HDAC9: variants seen among roughly 807,000 people sequenced by gnomAD.
HDAC9 encodes the protein histone deacetylase 9.
A neutral mutation model predicts 139.4 loss-of-function variants in HDAC9; 41 were observed. The ratio of observed to expected loss-of-function variants is 0.29; its 90% CI spans 0.23 to 0.38. HDAC9 has a LOEUF of 0.38. Among genes scored for constraint, HDAC9 ranks in the 10% least tolerant of loss-of-function variants. The pLI is 1.00. For missense variants in HDAC9, 1,147 were observed against 1,297.0 expected, an observed-to-expected ratio of 0.88 and a Z score of 1.78; for synonymous variants, 517 against 476.2, an observed-to-expected ratio of 1.09 and a Z score of -1.12.
chr7:18,585,672 A>G (rs2128802653), intron 3 of HDAC9, 150 bp downstream of exon 3: 1 of 1,081,812 alleles, frequency 9.2e-7, no homozygotes, highest in Admixed American at 2.7e-5. Flanking sequence ...TACTAGTGAA[A>G]ACTTTGGGTA....
At chr7:18,480,589 G>A (rs1795474244) in intron 1 of HDAC9, among the ~76,000 whole-genome samples, 1 of 152,134 alleles carries the variant, frequency 6.6e-6, no homozygotes, top group Non-Finnish European at 1.5e-5. Context: ...TGGTTGTAGT[G>A]AGCTGAATAA....
At chr7:18,594,160 C>T in intron 6 of HDAC9, 131 bp downstream of exon 6, 1 of 786,404 alleles carries the variant, frequency 1.3e-6, no homozygotes, top group Non-Finnish European at 2.1e-6. Context: ...CTGCCCCCAG[C>T]ATAAGCAAAC....
chr7:18,096,290 C>G (rs999491728), intron 1 of HDAC9, among the ~76,000 whole-genome samples: 3 of 152,184 alleles, frequency 2.0e-5, no homozygotes, highest in Admixed American at 6.5e-5. Flanking sequence ...TAATGACTCA[C>G]TTCATCCTCA....
At chr7:18,162,236 C>A in exon 2 of HDAC9, 1 of 1,196,614 alleles carries the variant, frequency 8.4e-7, no homozygotes, top group Non-Finnish European at 1.2e-6. Flanking sequence ...TAGGTTTCTC[C>A]TCTGCCAACC....
chr7:18,508,398 C>G (rs1384953044), intron 2 of HDAC9, among the ~76,000 whole-genome samples: 1 of 152,092 alleles, frequency 6.6e-6, no homozygotes, highest in African/African-American at 2.4e-5. Flanking sequence ...ATATTGTTAC[C>G]TCTGCTTTGT....
intron 1 of HDAC9, among the ~76,000 whole-genome samples, chr7:18,332,360 CAT>C (rs1491399014): frequency 2.1e-3 from 239 of 114,136 alleles, no homozygotes; most frequent in African/African-American, 7.7e-3. Flanking sequence ...TGCATGCGCA[CAT>C]GTGTGTGTGT....
At chr7:18,122,011 G>T (rs1206601568) in intron 1 of HDAC9, among the ~76,000 whole-genome samples, 1 of 151,542 alleles carries the variant, frequency 6.6e-6, no homozygotes, top group Admixed American at 6.6e-5. Context: ...AGGCATTCTT[G>T]TATTTCTTCA....
At chr7:18,517,649 A>G (rs1327991329) in intron 2 of HDAC9, 1 of 152,236 alleles carries the variant, frequency 6.6e-6, no homozygotes, top group Admixed American at 6.5e-5. Flanking sequence ...ACATTTGTCC[A>G]TCTTTCAGAA....
chr7:18,109,518 A>C (rs1383415811), intron 1 of HDAC9, among the ~76,000 whole-genome samples: 4 of 152,318 alleles, frequency 2.6e-5, no homozygotes, highest in South Asian at 2.1e-4. Context: ...GAATTTGAGA[A>C]ATCCTGTGTA....
chr7:18,554,480 C>T (rs1044573123), intron 2 of HDAC9, among the ~76,000 whole-genome samples: 5 of 151,850 alleles, frequency 3.3e-5, no homozygotes, highest in African/African-American at 7.3e-5. Flanking sequence ...GGACTACAGG[C>T]GCCCGCCACC....
intron 2 of HDAC9, among the ~76,000 whole-genome samples, chr7:18,259,658 C>T (rs1162341076): frequency 6.6e-6 from 1 of 152,230 alleles, no homozygotes; most frequent in Non-Finnish European, 1.5e-5. Context: ...AGCCATCATG[C>T]CCGGCCAACA....
chr7:18,390,191 TA>T (rs1404549172), intron 1 of HDAC9, among the ~76,000 whole-genome samples: 7 of 152,014 alleles, frequency 4.6e-5, no homozygotes, highest in African/African-American at 1.7e-4. Flanking sequence ...TGGCTTTTGT[TA>T]GGAAGAATAT....
intron 12 of HDAC9, among the ~76,000 whole-genome samples, chr7:18,700,289 G>A (rs1183181083): frequency 6.6e-6 from 1 of 152,218 alleles, no homozygotes; most frequent in East Asian, 1.9e-4. Flanking sequence ...GTGAAATGCA[G>A]TTGCATCTTA....
intron 6 of HDAC9, among the ~76,000 whole-genome samples, chr7:18,607,085 AAAGTT>A (rs1216160605): frequency 1.3e-5 from 2 of 152,218 alleles, no homozygotes; most frequent in Non-Finnish European, 2.9e-5. Flanking sequence ...TTTTTATGAA[AAAGTT>A]AAGTATGTTA....
At chr7:18,904,045 TACAC>T (rs1801977815) in intron 22 of HDAC9, among the ~76,000 whole-genome samples, 1 of 152,190 alleles carries the variant, frequency 6.6e-6, no homozygotes, top group African/African-American at 2.4e-5. Flanking sequence ...ATAATTACAA[TACAC>T]ACAATTCCTG....
intron 12 of HDAC9, among the ~76,000 whole-genome samples, chr7:18,724,533 C>T (rs995058778): frequency 1.3e-5 from 2 of 152,138 alleles, no homozygotes; most frequent in African/African-American, 4.8e-5. Context: ...GATGAGTGAA[C>T]ATGAAGGCCT....
Position 18,744,015 on chromosome 7 carries a change from T to TG in HDAC9, c.1910-4990_1910-4989insG, listed in dbSNP as rs1465750142. Among the ~76,000 whole-genome samples the TG allele has an allele frequency of 1.8e-3, 259 of 146,656 alleles. 1 individual carries two copies. Among genetic ancestry groups the TG allele is most frequent in the Non-Finnish European group, 3.0e-3 (198 of 66,494 alleles). ...TTACATCTCACTTTTACTACTAGTT[T>TG]TTTTTTTTTTTTTTTTTTGAGATGG... On this transcript the variant is annotated intron_variant, in intron 13 of 25. Coordinates refer to ENST00000686413, the MANE Select transcript of HDAC9 (RefSeq NM_178425.4).
chr7:18,900,603 G>C (rs935365094), intron 22 of HDAC9, among the ~76,000 whole-genome samples: 1 of 152,138 alleles, frequency 6.6e-6, no homozygotes, highest in East Asian at 1.9e-4. Context: ...TCATAGTCCG[G>C]ACAAGATCCC....
intron 21 of HDAC9, among the ~76,000 whole-genome samples, chr7:18,849,250 C>T (rs1016242591): frequency 7.2e-5 from 11 of 152,148 alleles, no homozygotes; most frequent in African/African-American, 2.2e-4. Context: ...CCATATTCTA[C>T]GGACTGTCTT....
Sources: gnomAD v4.1 joint callset for allele counts (sites outside exome capture counted in the v4.1 genomes callset) on GRCh38, gnomAD v4.1.1 for gene constraint, MANE v1.5 for transcripts, NCBI Gene and HGNC (gene_info 2026-07-23, HGNC 2026-07-21) for gene names.